Variants in CRACD observed in about 807,000 individuals in gnomAD.
CRACD encodes capping protein inhibiting regulator of actin dynamics.
In CRACD, 56 loss-of-function variants were observed where a neutral mutation model predicts 106.8. The observed-to-expected ratio is 0.52, with a 90% CI of 0.42 to 0.66. CRACD has a LOEUF of 0.66. Ranked by LOEUF, CRACD falls within the 30% of genes least tolerant of loss-of-function variation. CRACD has a pLI of 0.00. For synonymous variants in CRACD, 754 were observed against 670.8 expected, an observed-to-expected ratio of 1.12 and a Z score of -1.92; for missense variants, 1,730 against 1,623.2, an observed-to-expected ratio of 1.07 and a Z score of -1.13.
At chr4:56,298,614 A>G (rs1299501362) in intron 4 of CRACD, among the ~76,000 whole-genome samples, 3 of 152,148 alleles carry the variant, frequency 2.0e-5, no homozygotes, top group Non-Finnish European at 4.4e-5. Flanking sequence ...TTTACTGGAC[A>G]TGAAAACAAG....
chr4:56,157,912 G>C (rs1735817045), intron 1 of CRACD, among the ~76,000 whole-genome samples: 2 of 152,074 alleles, frequency 1.3e-5, no homozygotes. Context: ...TTCAGTGATG[G>C]CATACATGTA....
At chr4:56,130,699 A>T (rs1334583492) in intron 1 of CRACD, among the ~76,000 whole-genome samples, 1 of 152,208 alleles carries the variant, frequency 6.6e-6, no homozygotes, top group Non-Finnish European at 1.5e-5. Context: ...CACAATGCTT[A>T]GTAATGTCAT....
At chr4:56,226,895 C>T (rs1022377043) in intron 2 of CRACD, among the ~76,000 whole-genome samples, 8 of 150,866 alleles carry the variant, frequency 5.3e-5, no homozygotes, top group Non-Finnish European at 7.4e-5. Context: ...TCTCTCTCTC[C>T]CTTCCTTCCT....
intron 1 of CRACD, among the ~76,000 whole-genome samples, chr4:56,169,671 A>AT (rs943081806): frequency 3.3e-5 from 5 of 151,798 alleles, no homozygotes; most frequent in Non-Finnish European, 2.9e-5. Flanking sequence ...TAATTTTTGT[A>AT]TTTTTTTGTA....
intron 2 of CRACD, among the ~76,000 whole-genome samples, chr4:56,239,886 C>T (rs1405712275): frequency 3.9e-5 from 6 of 152,004 alleles, no homozygotes; most frequent in African/African-American, 1.5e-4. Flanking sequence ...AGAATATGCA[C>T]ACTTTAGACA....
intron 2 of CRACD, among the ~76,000 whole-genome samples, chr4:56,259,008 G>C (rs1248223798): frequency 1.3e-5 from 2 of 152,166 alleles, no homozygotes; most frequent in Non-Finnish European, 2.9e-5. Flanking sequence ...TGCAGATTCA[G>C]TCGCTCACAC....
chr4:56,172,369 T>C (rs1736405019), intron 1 of CRACD, among the ~76,000 whole-genome samples: 1 of 152,230 alleles, frequency 6.6e-6, no homozygotes, highest in Non-Finnish European at 1.5e-5. Flanking sequence ...GTAATTCAGC[T>C]GTATTTTCTC....
chr4:56,268,696 T>C (rs995385433), intron 2 of CRACD, among the ~76,000 whole-genome samples: 1 of 152,206 alleles, frequency 6.6e-6, no homozygotes, highest in African/African-American at 2.4e-5. Context: ...ACAGCAGTCA[T>C]TGCCAAAGAT....
At chr4:56,115,796 C>T (rs1244117592) in intron 1 of CRACD, among the ~76,000 whole-genome samples, 5 of 152,178 alleles carry the variant, frequency 3.3e-5, no homozygotes, top group Admixed American at 1.3e-4. Flanking sequence ...ATTATTTCAG[C>T]CCTTGCAAAT....
intron 1 of CRACD, among the ~76,000 whole-genome samples, chr4:56,060,961 G>T (rs1443774428): frequency 1.3e-5 from 2 of 152,134 alleles, no homozygotes; most frequent in Non-Finnish European, 2.9e-5. Context: ...GTGAGAAGCA[G>T]ATTTCTGTTA....
chr4:56,139,311 C>G (rs769447306), intron 1 of CRACD, among the ~76,000 whole-genome samples: 24 of 152,140 alleles, frequency 1.6e-4, no homozygotes, highest in Admixed American at 3.9e-4. Context: ...ATAGTTCTCT[C>G]TCCCTTCCTC....
intron 1 of CRACD, among the ~76,000 whole-genome samples, chr4:56,154,942 T>C (rs992208022): frequency 6.6e-6 from 1 of 152,200 alleles, no homozygotes; most frequent in African/African-American, 2.4e-5. Flanking sequence ...AGAAATCTGT[T>C]GTGAAAACTT....
chr4:56,065,094 TA>T (rs1450907299), intron 1 of CRACD, among the ~76,000 whole-genome samples: 7 of 152,130 alleles, frequency 4.6e-5, no homozygotes, highest in African/African-American at 1.7e-4. Flanking sequence ...TAAATTTTTT[TA>T]TTTTTTTTTT....
At chr4:56,160,758 G>A (rs550118320) in intron 1 of CRACD, among the ~76,000 whole-genome samples, 11 of 152,180 alleles carry the variant, frequency 7.2e-5, no homozygotes, top group Non-Finnish European at 1.2e-4. Context: ...ATGATTTGAC[G>A]TGCGTATGCG....
chr4:56,281,324 G>A (rs1743026237), intron 3 of CRACD, among the ~76,000 whole-genome samples: 1 of 152,150 alleles, frequency 6.6e-6, no homozygotes, highest in Non-Finnish European at 1.5e-5. Context: ...AGGTGGAACA[G>A]TTTCATCCTG....
intron 2 of CRACD, among the ~76,000 whole-genome samples, chr4:56,207,743 C>CATATA (rs1279210814): frequency 1.4e-5 from 1 of 73,654 alleles, no homozygotes; most frequent in African/African-American, 6.3e-5. Flanking sequence ...AACTTGTTTT[C>CATATA]TCATATATAT....
intron 3 of CRACD, among the ~76,000 whole-genome samples, chr4:56,289,451 C>A (rs768336801): frequency 6.6e-5 from 10 of 152,020 alleles, no homozygotes; most frequent in Non-Finnish European, 1.0e-4. Context: ...GCAGGAGGAT[C>A]GCTTGAGCCC....
At chr4:56,068,657 A>G (rs1408880963) in intron 1 of CRACD, among the ~76,000 whole-genome samples, 1 of 152,156 alleles carries the variant, frequency 6.6e-6, no homozygotes, top group Non-Finnish European at 1.5e-5. Context: ...GTTAGAGCCA[A>G]TAGGATTTAC....
At position 56,314,589 on chromosome 4, in the gene CRACD, G is replaced by A. The variant is rs2109770179; in HGVS notation, c.1087G>A (p.Glu363Lys). The A allele has an allele frequency of 1.3e-6, 2 of 1,523,588 alleles. No individual in the cohort carries two copies. Among genetic ancestry groups the A allele is most frequent in the Non-Finnish European group, 1.8e-6 (2 of 1,135,860 alleles). The allele number at this position is 1,523,588 out of a possible 1,614,324, so 94.4% of individuals were successfully genotyped here. The change falls in exon 8 of 11, where the codon GAG (glutamate) becomes AAG (lysine). Residue 363 changes from glutamate to lysine, a missense_variant. Glu to Lys is a moderately conservative substitution (Grantham distance 56). Around this residue, in one of 5 missense-constraint regions of CRACD, gnomAD observed 1,620 missense variants for 1,481.6 expected, o/e 1.09. Transcript: ENST00000682029. The surrounding 1 kb of genome is among the most constrained non-coding windows in gnomAD (Gnocchi z 4.4). ...CGCGGAGGAGCTCAAAAGGCAGGAG[G>A]AGGAGGAGGCTGAGGGATGGGAAGA... ...RCAEELKRQE[E>K]EEAEGWEELE...
Sources: allele counts gnomAD v4.1 joint callset (sites outside exome capture counted in the v4.1 genomes callset), GRCh38; gene constraint gnomAD v4.1.1; regional missense constraint gnomAD v4.1.1; non-coding constraint Gnocchi (gnomAD v3.1); transcripts MANE v1.5; gene names NCBI Gene and HGNC (gene_info 2026-07-23, HGNC 2026-07-21).